Variants in SGCD observed in about 807,000 individuals in gnomAD.
SGCD encodes sarcoglycan delta.
A neutral mutation model predicts 36.6 loss-of-function variants in SGCD; 18 were observed. The observed-to-expected ratio is 0.49, with a 90% CI of 0.34 to 0.73. SGCD has a LOEUF of 0.73. Ranked by LOEUF, SGCD falls within the 30% of genes least tolerant of loss-of-function variation. The pLI is 0.01. For synonymous variants in SGCD, 133 were observed against 130.6 expected, an observed-to-expected ratio of 1.02 and a Z score of -0.12; for missense variants, 387 against 346.7, an observed-to-expected ratio of 1.12 and a Z score of -0.92.
In SGCD at chr5:155,949,955, G is replaced by T. The variant is rs111265257; in HGVS notation, c.-282+79531G>T. ...CATCCTTCCTTCTTCCCATGCATGC[G>T]CCTGGAATAAAATGTAATGGCAACT... On this transcript the variant is annotated intron_variant, in intron 1 of 9. Transcript: ENST00000517913. 1.9e-3 allele frequency among the ~76,000 whole-genome samples: 286 copies of T among 152,096 alleles called. 2 individuals are homozygous for T. The highest frequency in any genetic ancestry group is 2.8e-3 in the Non-Finnish European group (189 of 67,996).
the SGCD span, among the ~76,000 whole-genome samples, chr5:155,772,466 T>A: frequency 6.6e-6 from 1 of 152,162 alleles, no homozygotes; most frequent in African/African-American, 2.4e-5. Flanking sequence ...GATTGCCACT[T>A]CATCAGGCAG....
intron 1 of SGCD, among the ~76,000 whole-genome samples, chr5:156,009,170 G>A (rs1287589896): frequency 6.6e-6 from 1 of 152,156 alleles, no homozygotes; most frequent in Non-Finnish European, 1.5e-5. Flanking sequence ...AACATTTATT[G>A]ACACAGTGAT....
At chr5:156,619,038 T>TTC (rs1554122920) in intron 6 of SGCD, among the ~76,000 whole-genome samples, 32 of 148,440 alleles carry the variant, frequency 2.2e-4, no homozygotes, top group African/African-American at 7.9e-4. Flanking sequence ...TTTTTTTTTT[T>TTC]CTTCTGAGAC....
At chr5:156,230,559 A>G (rs1764990093) in intron 3 of SGCD, among the ~76,000 whole-genome samples, 2 of 152,042 alleles carry the variant, frequency 1.3e-5, no homozygotes, top group Admixed American at 6.6e-5. Context: ...GGATACCAGA[A>G]CCTGTTAGTA....
intron 3 of SGCD, among the ~76,000 whole-genome samples, chr5:156,473,569 C>A (rs1358134552): frequency 1.3e-5 from 2 of 152,174 alleles, no homozygotes. Context: ...GAAAGAAGAA[C>A]CATAGACGAG....
At chr5:155,991,837 T>G (rs1226013048) in intron 1 of SGCD, among the ~76,000 whole-genome samples, 1 of 152,232 alleles carries the variant, frequency 6.6e-6, no homozygotes, top group African/African-American at 2.4e-5. Context: ...ACAAAGACTT[T>G]TTTTCTTATC....
chr5:156,450,670 G>A (rs1440282815), intron 3 of SGCD, among the ~76,000 whole-genome samples: 1 of 151,994 alleles, frequency 6.6e-6, no homozygotes, highest in Non-Finnish European at 1.5e-5. Flanking sequence ...GGGAGTTGTG[G>A]AATCCTATTG....
chr5:155,956,882 G>A (rs1757667613), intron 1 of SGCD, among the ~76,000 whole-genome samples: 1 of 151,220 alleles, frequency 6.6e-6, no homozygotes, highest in Non-Finnish European at 1.5e-5. Flanking sequence ...TCCCAATAAG[G>A]TCACATTTAT....
chr5:156,211,209 G>T (rs1339234688), intron 3 of SGCD, among the ~76,000 whole-genome samples: 1 of 152,072 alleles, frequency 6.6e-6, no homozygotes, highest in Non-Finnish European at 1.5e-5. Flanking sequence ...TGGCAAAGCT[G>T]TTTTTTAGAA....
At chr5:156,425,625 T>C (rs1179867798) in intron 3 of SGCD, among the ~76,000 whole-genome samples, 2 of 151,966 alleles carry the variant, frequency 1.3e-5, no homozygotes, top group South Asian at 2.1e-4. Flanking sequence ...ATAAGTTCTT[T>C]AGTAATGATT....
At chr5:156,146,030 G>A (rs534541201) in intron 3 of SGCD, among the ~76,000 whole-genome samples, 3 of 152,072 alleles carry the variant, frequency 2.0e-5, no homozygotes, top group South Asian at 2.1e-4. Flanking sequence ...TGGCTAACAT[G>A]GTGAAACCCC....
intron 3 of SGCD, among the ~76,000 whole-genome samples, chr5:156,167,204 C>T (rs1051679172): frequency 6.6e-6 from 1 of 152,164 alleles, no homozygotes; most frequent in Non-Finnish European, 1.5e-5. Context: ...TGACAATCCG[C>T]ATATGTTCCC....
chr5:155,765,237 G>A, the SGCD span, among the ~76,000 whole-genome samples: 3 of 151,710 alleles, frequency 2.0e-5, no homozygotes, highest in African/African-American at 7.3e-5. Context: ...CTGTGATTGT[G>A]CCAGTGTACT....
rs117980866 is a variant in SGCD, at chr5:156,002,262, C to A, written c.-281-115616C>A. 2.6e-4 allele frequency among the ~76,000 whole-genome samples: 40 copies of A among 152,248 alleles called. 1 individual carries two copies. In the East Asian group the frequency reaches 7.8e-3, roughly 30 times the overall value. On this transcript the variant is annotated intron_variant, in intron 1 of 9. Coordinates refer to the SGCD transcript ENST00000517913. Reference sequence around the variant, plus strand: ...ACAAACACACACAGAGGGAAGACCACGTGATGGCACAGGGAGACGACACCC... The same window carrying A: ...ACAAACACACACAGAGGGAAGACCAAGTGATGGCACAGGGAGACGACACCC...
intron 3 of SGCD, among the ~76,000 whole-genome samples, chr5:156,126,157 A>G (rs1762167608): frequency 6.6e-6 from 1 of 152,120 alleles, no homozygotes; most frequent in Non-Finnish European, 1.5e-5. Flanking sequence ...CTGGGATTAC[A>G]GGCATGAGCC....
intron 6 of SGCD, among the ~76,000 whole-genome samples, chr5:156,643,806 T>C (rs924874491): frequency 1.3e-5 from 2 of 152,140 alleles, no homozygotes; most frequent in Admixed American, 6.5e-5. Context: ...AAGTAAAATA[T>C]CATTGTTATT....
intron 3 of SGCD, among the ~76,000 whole-genome samples, chr5:156,312,769 G>A (rs186849110): frequency 3.3e-3 from 500 of 152,176 alleles, no homozygotes; most frequent in African/African-American, 0.012. Flanking sequence ...TACATGAAAA[G>A]CATTTAACAT....
At chr5:156,011,125 T>C (rs937823849) in intron 1 of SGCD, among the ~76,000 whole-genome samples, 7 of 152,206 alleles carry the variant, frequency 4.6e-5, no homozygotes, top group African/African-American at 1.7e-4. Context: ...GACAAGGAAA[T>C]GAGTATATTT....
intron 2 of SGCD, among the ~76,000 whole-genome samples, chr5:156,119,372 G>C (rs986887332): frequency 1.3e-5 from 2 of 152,110 alleles, no homozygotes; most frequent in Admixed American, 1.3e-4. Flanking sequence ...TCCTAGTTAT[G>C]TGATTTCAAT....
Sources: allele counts gnomAD v4.1 joint callset (sites outside exome capture counted in the v4.1 genomes callset), GRCh38; gene constraint gnomAD v4.1.1; transcripts MANE v1.5; gene names NCBI Gene and HGNC (gene_info 2026-07-23, HGNC 2026-07-21).